The following SHANK2 variants were observed in gnomAD, a reference collection of about 807,000 sequenced individuals.
SHANK2 encodes SH3 and multiple ankyrin repeat domains protein 2.
A neutral mutation model predicts 133.7 loss-of-function variants in SHANK2; 43 were observed. That is an observed-to-expected ratio of 0.32 (90% CI 0.25 to 0.41). The LOEUF (loss-of-function observed/expected upper bound fraction) is 0.41, where lower values mean the gene tolerates loss of function less well. SHANK2 is among the 10% of genes least tolerant of loss of function. SHANK2 has a pLI of 1.00. For missense variants in SHANK2, 1,994 were observed against 2,235.8 expected, an observed-to-expected ratio of 0.89 and a Z score of 2.18; for synonymous variants, 1,017 against 952.8, an observed-to-expected ratio of 1.07 and a Z score of -1.24.
chr11:70,599,905 GAGAAAGAAAGAAAGAA>G (rs201394941), intron 17 of SHANK2, among the ~76,000 whole-genome samples: 6,439 of 73,452 alleles, frequency 0.088, 334 homozygotes, highest in Non-Finnish European at 0.1. Context: ...AAGAAAGAAA[GAGAAAGAAAGAAAGAA>G]AGAAAGAAAG....
chr11:70,932,056 C>T (rs570126760), intron 10 of SHANK2, among the ~76,000 whole-genome samples: 2 of 152,242 alleles, frequency 1.3e-5, no homozygotes, highest in African/African-American at 2.4e-5. Context: ...CTCTATGATA[C>T]GGTATCTTCC....
chr11:70,882,610 C>A lies in SHANK2; in HGVS notation c.1174+13891G>T, dbSNP rs1949675327. 6.6e-6 allele frequency among the ~76,000 whole-genome samples: 1 copy of A among 152,236 alleles called. No individual in the cohort carries two copies. Among genetic ancestry groups the A allele is most frequent in the Non-Finnish European group, 1.5e-5 (1 of 68,012 alleles). On this transcript the variant is annotated intron_variant, in intron 11 of 25. Transcript: ENST00000601538. The surrounding 1 kb of genome is among the most constrained non-coding windows in gnomAD (Gnocchi z 4.2). The stretch of plus-strand genomic sequence containing the variant: ...AGTCTGTGCAGAAGCAGGCTTAGGT[C>A]AGAGGTAGGGCAGACCCCAAAACTT...
chr11:70,524,098 T>G (rs781111335), intron 17 of SHANK2, among the ~76,000 whole-genome samples: 16 of 152,184 alleles, frequency 1.1e-4, no homozygotes, highest in Non-Finnish European at 2.2e-4. Flanking sequence ...AGTTACACCA[T>G]TCAGTCCTCA....
chr11:70,892,365 C>T (rs543257391), intron 11 of SHANK2, among the ~76,000 whole-genome samples: 1 of 151,764 alleles, frequency 6.6e-6, no homozygotes, highest in Admixed American at 6.5e-5. Flanking sequence ...GTGGGGGGGA[C>T]TGCCCTGTTG....
chr11:70,886,720 CA>C (rs1555073575), intron 11 of SHANK2, among the ~76,000 whole-genome samples: 12 of 104,150 alleles, frequency 1.2e-4, no homozygotes, highest in South Asian at 2.5e-4. Flanking sequence ...CACACACACA[CA>C]CCCCTAACAT....
intron 8 of SHANK2, among the ~76,000 whole-genome samples, chr11:71,081,204 G>C (rs1323298224): frequency 6.6e-6 from 1 of 152,188 alleles, no homozygotes; most frequent in Non-Finnish European, 1.5e-5. Context: ...GCCAAGGAGA[G>C]AGGACTCAGG....
chr11:71,195,000 T>G (rs957175622), intron 2 of SHANK2, among the ~76,000 whole-genome samples: 4 of 152,162 alleles, frequency 2.6e-5, no homozygotes, highest in African/African-American at 9.7e-5. Flanking sequence ...AGAACAGACA[T>G]GAAGAAAGAA....
At chr11:70,683,135 T>G (rs1555018722) in intron 15 of SHANK2, among the ~76,000 whole-genome samples, 1 of 151,560 alleles carries the variant, frequency 6.6e-6, no homozygotes. Context: ...CCTCCTTTTT[T>G]ACTGAAATTT....
At chr11:70,698,587 C>T (rs548583236) in intron 15 of SHANK2, 101 bp downstream of exon 15, 31 of 709,452 alleles carry the variant, frequency 4.4e-5, no homozygotes, top group South Asian at 1.5e-4. Context: ...GAGGCAGACA[C>T]GAGGGGCCTG....
intron 11 of SHANK2, among the ~76,000 whole-genome samples, chr11:70,890,723 C>G (rs1243386875): frequency 2.7e-5 from 4 of 150,290 alleles, no homozygotes; most frequent in African/African-American, 9.8e-5. Flanking sequence ...CGCTTGAACC[C>G]AGGAGGCAGA....
In SHANK2 at chr11:70,826,830, G is replaced by A; in HGVS notation, c.1175-6148C>T. On this transcript the variant is annotated intron_variant, in intron 11 of 25. Transcript: ENST00000601538. ...CTCAGGGCATTGAGGAAGAGGCACC[G>A]CGGAGGGTTAACGCGGATCAGGCGT... 5 of 243,228 alleles carry A rather than the reference G, an allele frequency of 2.1e-5. No homozygotes were observed. In the South Asian group the frequency reaches 2.7e-4, roughly 13 times the overall value. 15.1% of individuals were successfully genotyped at this position (243,228 alleles called of 1,614,324 possible).
intron 1 of SHANK2, among the ~76,000 whole-genome samples, chr11:71,243,829 GA>G (rs782474825): frequency 6.6e-6 from 1 of 152,062 alleles, no homozygotes; most frequent in Non-Finnish European, 1.5e-5. Flanking sequence ...AGAAGAAACA[GA>G]AAATCTAAAA....
chr11:70,495,850 TG>T, intron 21 of SHANK2: 1 of 197,450 alleles, frequency 5.1e-6, no homozygotes, highest in Non-Finnish European at 1.1e-5. Flanking sequence ...CCAGCCCACC[TG>T]ATACTGTACA....
intron 11 of SHANK2, among the ~76,000 whole-genome samples, chr11:70,849,337 G>A (rs1305547263): frequency 1.3e-5 from 2 of 152,192 alleles, no homozygotes; most frequent in East Asian, 1.9e-4. Flanking sequence ...AAAAGGTGAG[G>A]TAGAGAAAAA....
chr11:71,064,265 G>A (rs1366064610), intron 9 of SHANK2, among the ~76,000 whole-genome samples: 2 of 152,230 alleles, frequency 1.3e-5, no homozygotes, highest in African/African-American at 4.8e-5. Context: ...CAGGACGGGT[G>A]GGTCTGATGC....
chr11:70,503,053 AGT>A, intron 17 of SHANK2, 122 bp from the exon 18 acceptor site: 1 of 1,058,880 alleles, frequency 9.4e-7, no homozygotes. Context: ...AAGCAAAGGG[AGT>A]GAGACCGTCA....
At chr11:70,493,572 C>T (rs1442977298) in intron 21 of SHANK2, among the ~76,000 whole-genome samples, 1 of 151,394 alleles carries the variant, frequency 6.6e-6, no homozygotes, top group African/African-American at 2.4e-5. Context: ...GTGTCTAAGG[C>T]TGTTTAAATG....
At position 70,487,410 on chromosome 11, in the gene SHANK2, C is replaced by T; in HGVS notation, c.2883G>A (p.Leu961=). Residue 961 remains leucine, a synonymous_variant, in exon 25 of 26, where the codon TTG becomes TTA. Transcript: ENST00000601538. The surrounding 1 kb of genome is among the most constrained non-coding windows in gnomAD (Gnocchi z 5.8). ...YFRRELDRYS[L]DSEDLYSRNA... ...TCCGACTGTAGAGGTCTTCAGAGTC[C>T]AAGGAGTAGCGGTCCAGCTCTCTCC... 6.2e-7 allele frequency: 1 copy of T among 1,614,134 alleles called. No individual in the cohort carries two copies. Among genetic ancestry groups the T allele is most frequent in the Non-Finnish European group, 8.5e-7 (1 of 1,180,032 alleles).
At chr11:71,168,014 C>T (rs61887397) in intron 2 of SHANK2, among the ~76,000 whole-genome samples, 4,443 of 59,972 alleles carry the variant, frequency 0.074, 100 homozygotes, top group African/African-American at 0.2. Flanking sequence ...CGGAGGGGCT[C>T]CTCACTTCTC....
Sources: gnomAD v4.1 joint callset for allele counts (sites outside exome capture counted in the v4.1 genomes callset) on GRCh38, gnomAD v4.1.1 for gene constraint, Gnocchi (gnomAD v3.1) non-coding constraint, MANE v1.5 for transcripts, NCBI Gene and HGNC (gene_info 2026-07-23, HGNC 2026-07-21) for gene names.